The following RMDN2 variants were observed in gnomAD, a reference collection of about 807,000 sequenced individuals.
RMDN2 encodes the protein regulator of microtubule dynamics 2, also known as regulator of microtubule dynamics protein 2.
A neutral mutation model predicts 52.8 loss-of-function variants in RMDN2; 61 were observed. The ratio of observed to expected loss-of-function variants is 1.16; its 90% CI spans 0.94 to 1.43. The LOEUF is 1.43. Ranked by LOEUF, RMDN2 falls within the 40% of genes most tolerant of loss-of-function variation. RMDN2 has a pLI of 0.00. For synonymous variants in RMDN2, 180 were observed against 153.1 expected, an observed-to-expected ratio of 1.18 and a Z score of -1.30; for missense variants, 592 against 475.3, an observed-to-expected ratio of 1.25 and a Z score of -2.28.
At chr2:37,943,772 A>G (rs778768073) in intron 2 of RMDN2, among the ~76,000 whole-genome samples, 2 of 152,144 alleles carry the variant, frequency 1.3e-5, no homozygotes, top group African/African-American at 2.4e-5. Context: ...TTCTAAATTA[A>G]CTTTGCGAAG....
Position 38,004,024 on chromosome 2 carries a change from A to G in RMDN2, c.1078A>G (p.Asn360Asp), listed in dbSNP as rs767389009. 9 of 1,613,282 alleles carry G rather than the reference A, an allele frequency of 5.6e-6. No homozygotes were observed. The East Asian group carries it at 1.8e-4, about 32-fold the overall frequency. The change falls in exon 9 of 11, where the codon AAT (asparagine) becomes GAT (aspartate). Residue 360 changes from asparagine (N) to aspartate (D), a missense_variant. Asn to Asp is a conservative substitution (Grantham distance 23). Coordinates refer to ENST00000354545, the MANE Select transcript of RMDN2 (RefSeq NM_001170791.3). ...EELCPGYSNP[N>D]YMYLAKCYTD... ...ACTATGCCCTGGTTATTCTAATCCC[A>G]ATTACATGTACTTAGCAAAGGTAAT...
At chr2:37,927,729 G>A (rs1439723349) in intron 1 of RMDN2, among the ~76,000 whole-genome samples, 1 of 152,172 alleles carries the variant, frequency 6.6e-6, no homozygotes, top group Non-Finnish European at 1.5e-5. Context: ...ATATTAGCTG[G>A]AATGCAGTTG....
At position 37,929,259 on chromosome 2, in the gene RMDN2, T is replaced by C. The variant is rs767921451; in HGVS notation, c.-16-3T>C. On this transcript the variant is annotated splice_region_variant and splice_polypyrimidine_tract_variant and intron_variant, in intron 1 of 10. Transcript: ENST00000354545. ...TCATTTACATTTATGTTTTTAATTT[T>C]AGAAACGAAAACCAAGAAATGCCTT... 1 of 1,465,082 alleles carries C rather than the reference T, an allele frequency of 6.8e-7. No homozygotes were observed. The highest frequency in any genetic ancestry group is 1.3e-5 in the South Asian group (1 of 74,646). The allele number at this position is 1,465,082 out of a possible 1,614,324, so 90.8% of individuals were successfully genotyped here.
chr2:37,949,088 T>C (rs976343287), intron 2 of RMDN2, among the ~76,000 whole-genome samples: 2 of 152,134 alleles, frequency 1.3e-5, no homozygotes, highest in African/African-American at 4.8e-5. Context: ...CAGACCTTAG[T>C]GCGGCTTAGG....
At chr2:38,013,560 TTA>T (rs1678302421) in intron 10 of RMDN2, among the ~76,000 whole-genome samples, 1 of 152,236 alleles carries the variant, frequency 6.6e-6, no homozygotes, top group Non-Finnish European at 1.5e-5. Flanking sequence ...CCAACCTGTT[TTA>T]TGAGTTGAGA....
chr2:38,007,328 C>G (rs1401536821), intron 10 of RMDN2, among the ~76,000 whole-genome samples: 1 of 152,180 alleles, frequency 6.6e-6, no homozygotes, highest in Non-Finnish European at 1.5e-5. Flanking sequence ...GTGAATCCAT[C>G]TGGTCCTGGA....
chr2:38,016,320 C>T (rs1678776159), intron 10 of RMDN2, among the ~76,000 whole-genome samples: 1 of 152,140 alleles, frequency 6.6e-6, no homozygotes, highest in Admixed American at 6.5e-5. Flanking sequence ...AGGAAGTTGT[C>T]ACAGCTCAAC....
At chr2:37,978,143 A>G (rs1027899116) in intron 4 of RMDN2, among the ~76,000 whole-genome samples, 4 of 152,072 alleles carry the variant, frequency 2.6e-5, no homozygotes, top group African/African-American at 9.7e-5. Context: ...ACACGGTGAA[A>G]CCCCGTCTCC....
At chr2:38,022,348 A>G (rs7557038), downstream of RMDN2, among the ~76,000 whole-genome samples, 2 of 152,028 alleles carry the variant, frequency 1.3e-5, no homozygotes, top group Non-Finnish European at 2.9e-5. Flanking sequence ...CTCGTTTTCT[A>G]TGGTTACTTC....
At chr2:38,043,755 C>T (rs1303428897) in intron 10 of RMDN2, among the ~76,000 whole-genome samples, 1 of 152,072 alleles carries the variant, frequency 6.6e-6, no homozygotes, top group Non-Finnish European at 1.5e-5. Flanking sequence ...ATGGGTAGCA[C>T]AGACATCTTT....
Position 37,964,590 on chromosome 2 carries a change from G to A in RMDN2, c.453-9450G>A, listed in dbSNP as rs562884805. Reference sequence around the variant, plus strand: ...TTGTAAATTAACTAAGACTTATTTCGTGGCCTAATATATTATCTACTTGGA... The same window carrying A: ...TTGTAAATTAACTAAGACTTATTTCATGGCCTAATATATTATCTACTTGGA... On this transcript the variant is annotated intron_variant, in intron 2 of 10. Coordinates refer to ENST00000354545, the MANE Select transcript of RMDN2 (RefSeq NM_001170791.3). 6.3e-4 allele frequency among the ~76,000 whole-genome samples: 96 copies of A among 152,006 alleles called. 1 individual carries two copies. Among genetic ancestry groups the A allele is most frequent in the South Asian group, 4.0e-3 (19 of 4,810 alleles).
intron 2 of RMDN2, among the ~76,000 whole-genome samples, chr2:37,967,172 C>G (rs1356875912): frequency 6.6e-6 from 1 of 151,928 alleles, no homozygotes; most frequent in African/African-American, 2.4e-5. Context: ...TTGAAGAAAA[C>G]CAATGATTAA....
chr2:37,995,322 GACTACT>G (rs3056282), intron 7 of RMDN2, among the ~76,000 whole-genome samples: 7,389 of 147,184 alleles, frequency 0.05, 571 homozygotes, highest in African/African-American at 0.17. Flanking sequence ...AAGAGGGGAT[GACTACT>G]ACTACTACTA....
intron 2 of RMDN2, chr2:37,951,987 A>C (rs758025660): frequency 6.2e-7 from 1 of 1,613,410 alleles, no homozygotes; most frequent in Non-Finnish European, 8.5e-7. Context: ...AAGTTACAGC[A>C]CAGATCATTC....
At chr2:38,008,572 C>T (rs1677459390) in intron 10 of RMDN2, among the ~76,000 whole-genome samples, 1 of 152,156 alleles carries the variant, frequency 6.6e-6, no homozygotes, top group Non-Finnish European at 1.5e-5. Context: ...GATCTTCCTC[C>T]ATCCCTTTAT....
intron 2 of RMDN2, among the ~76,000 whole-genome samples, chr2:37,936,009 C>T (rs1339884193): frequency 2.0e-5 from 3 of 152,146 alleles, no homozygotes. Context: ...ATCAACCCGT[C>T]ATCTATGTTA....
At chr2:37,987,462 C>G (rs1389925910) in intron 5 of RMDN2, among the ~76,000 whole-genome samples, 1 of 152,012 alleles carries the variant, frequency 6.6e-6, no homozygotes, top group African/African-American at 2.4e-5. Context: ...CTATATGGTT[C>G]CAACTATATG....
At chr2:37,968,202 A>G (rs1392885002) in intron 2 of RMDN2, among the ~76,000 whole-genome samples, 1 of 152,090 alleles carries the variant, frequency 6.6e-6, no homozygotes, top group African/African-American at 2.4e-5. Flanking sequence ...GCACTTTGGG[A>G]GGACGAGGTG....
At chr2:37,959,523 T>C (rs1266521902) in intron 2 of RMDN2, among the ~76,000 whole-genome samples, 1 of 150,934 alleles carries the variant, frequency 6.6e-6, no homozygotes, top group Admixed American at 6.6e-5. Context: ...TTTTATTGTG[T>C]CTATTTGATT....
Sources: gnomAD v4.1 joint callset for allele counts (sites outside exome capture counted in the v4.1 genomes callset) on GRCh38, gnomAD v4.1.1 for gene constraint, MANE v1.5 for transcripts, NCBI Gene and HGNC (gene_info 2026-07-23, HGNC 2026-07-21) for gene names.